Variants in MICU1 observed in about 807,000 individuals in gnomAD.
MICU1 encodes calcium uptake protein 1, mitochondrial.
MICU1 carries 45 observed loss-of-function variants against 56.8 expected under a neutral mutation model. The observed-to-expected ratio is 0.79, with a 90% CI of 0.62 to 1.02. The LOEUF is 1.02. Among genes scored for constraint, MICU1 ranks in the 50% least tolerant of loss-of-function variants. The pLI is 0.00. For missense variants in MICU1, 504 were observed against 587.1 expected (o/e 0.86, Z 1.46); for synonymous variants, 186 against 195.1 (o/e 0.95, Z 0.39).
chr10:72,540,382 AC>A (rs1839743927), intron 4 of MICU1, among the ~76,000 whole-genome samples: 2 of 152,026 alleles, frequency 1.3e-5, no homozygotes, highest in Admixed American at 1.3e-4. Flanking sequence ...AAAAAAAAAA[AC>A]TGGCATGGAG....
In MICU1 at chr10:72,409,951, A is replaced by G. The variant is rs376727822; in HGVS notation, c.1072-1914T>C. ...CCACAACATGTCCCTTCCTAATCAT[A>G]AACTCCAGCCCCTGCCCAACCCCTA... is the stretch of plus-strand genomic sequence containing the variant. On this transcript the variant is annotated intron_variant, in intron 9 of 11. Coordinates refer to ENST00000361114, the MANE Select transcript of MICU1 (RefSeq NM_001195518.2). 1.1e-4 allele frequency among the ~76,000 whole-genome samples: 16 copies of G among 152,182 alleles called. 1 individual carries two copies. The East Asian group carries it at 2.7e-3, about 26-fold the overall frequency.
At chr10:72,472,494 T>A (rs966813377) in intron 8 of MICU1, among the ~76,000 whole-genome samples, 5 of 152,072 alleles carry the variant, frequency 3.3e-5, no homozygotes, top group African/African-American at 1.2e-4. Context: ...AGCTTTTCAC[T>A]AGACAGAGAA....
At chr10:72,388,921 C>A (rs941728626) in intron 10 of MICU1, among the ~76,000 whole-genome samples, 5 of 152,220 alleles carry the variant, frequency 3.3e-5, no homozygotes, top group Non-Finnish European at 7.3e-5. Context: ...AGCTGGATAA[C>A]CACGATCAAG....
chr10:72,573,323 A>C (rs866839078), intron 1 of MICU1, among the ~76,000 whole-genome samples: 4,947 of 147,088 alleles, frequency 0.034, 344 homozygotes, highest in African/African-American at 0.12. Flanking sequence ...AAAAAAAAAA[A>C]AAAAAAAAAA....
At chr10:72,557,745 T>C (rs906543099) in intron 3 of MICU1, among the ~76,000 whole-genome samples, 2 of 152,180 alleles carry the variant, frequency 1.3e-5, no homozygotes, top group East Asian at 1.9e-4. Context: ...CAAATATATA[T>C]ATACATACAT....
At chr10:72,531,888 T>A (rs551750563) in intron 5 of MICU1, among the ~76,000 whole-genome samples, 19 of 151,978 alleles carry the variant, frequency 1.3e-4, no homozygotes, top group African/African-American at 3.4e-4. Flanking sequence ...GTTTTATTTT[T>A]TTTTTTTTTA....
At chr10:72,488,692 A>T (rs1866553452) in intron 6 of MICU1, among the ~76,000 whole-genome samples, 1 of 152,176 alleles carries the variant, frequency 6.6e-6, no homozygotes, top group Non-Finnish European at 1.5e-5. Context: ...AAACTGGGAA[A>T]CTAAAATACT....
intron 10 of MICU1, among the ~76,000 whole-genome samples, chr10:72,406,540 G>A (rs934122297): frequency 3.3e-5 from 5 of 151,610 alleles, no homozygotes; most frequent in Non-Finnish European, 1.5e-5. Flanking sequence ...TGAAAAAGAA[G>A]ACCAAGTTGG....
chr10:72,510,760 G>C (rs548132967), intron 5 of MICU1, among the ~76,000 whole-genome samples: 39 of 152,072 alleles, frequency 2.6e-4, no homozygotes, highest in Admixed American at 4.6e-4. Context: ...AGCCTCCCGA[G>C]TAGCTGAGAT....
rs549004358 is a variant in MICU1 at position 72,443,163 on chromosome 10, GTCT to G, written c.934-19795_934-19793del. ...TCATGTGTTTTTTGGCTGCATAAATGTCTTCTTTTGAGAAGTGTCTGTTCATGT... is the reference window on the plus strand; with the variant it reads ...TCATGTGTTTTTTGGCTGCATAAATGTCTTTTGAGAAGTGTCTGTTCATGT... On this transcript the variant is annotated intron_variant, in intron 8 of 11. Transcript: ENST00000361114. Among the ~76,000 whole-genome samples, 17 of 152,304 alleles carry G rather than the reference GTCT, an allele frequency of 1.1e-4. No individual in the cohort carries two copies. In the East Asian group the frequency reaches 3.3e-3, roughly 29 times the overall value.
At chr10:72,386,548 C>T (rs1278659237) in intron 10 of MICU1, among the ~76,000 whole-genome samples, 1 of 146,448 alleles carries the variant, frequency 6.8e-6, no homozygotes, top group African/African-American at 2.5e-5. Flanking sequence ...CCCTCATCCC[C>T]CGCCACCTAT....
intron 10 of MICU1, among the ~76,000 whole-genome samples, chr10:72,376,170 T>C (rs2132037729): frequency 6.6e-6 from 1 of 151,988 alleles, no homozygotes; most frequent in East Asian, 1.9e-4. Flanking sequence ...TCCCAGCTAC[T>C]TGGGAGGCTG....
intron 8 of MICU1, among the ~76,000 whole-genome samples, chr10:72,456,017 T>C (rs1865447455): frequency 6.6e-6 from 1 of 152,158 alleles, no homozygotes; most frequent in Admixed American, 6.6e-5. Context: ...AGCAACTGTC[T>C]TCTGGGAAGG....
At chr10:72,430,658 T>A (rs1372979575) in intron 8 of MICU1, among the ~76,000 whole-genome samples, 1 of 152,100 alleles carries the variant, frequency 6.6e-6, no homozygotes, top group Admixed American at 6.6e-5. Flanking sequence ...CCTTCCAGGT[T>A]CAAGCAATTC....
intron 9 of MICU1, among the ~76,000 whole-genome samples, chr10:72,422,053 A>C (rs1294040414): frequency 6.6e-6 from 1 of 151,818 alleles, no homozygotes; most frequent in Non-Finnish European, 1.5e-5. Context: ...TACCCCATTC[A>C]TATGTTGAAG....
intron 8 of MICU1, among the ~76,000 whole-genome samples, chr10:72,455,299 G>A (rs1374734557): frequency 1.5e-5 from 2 of 134,082 alleles, no homozygotes; most frequent in Admixed American, 8.8e-5. Flanking sequence ...GCAGTGAGCC[G>A]AGATGGTGCC....
At chr10:72,423,413 A>G (rs753654374) in intron 8 of MICU1, 42 bp from the exon 9 acceptor site, 33 of 1,599,768 alleles carry the variant, frequency 2.1e-5, no homozygotes, top group Non-Finnish European at 2.7e-5. Flanking sequence ...GTCAATGGAA[A>G]GTATTTTGAC....
chr10:72,503,020 A>T (rs1867130402), intron 6 of MICU1: 1 of 154,192 alleles, frequency 6.5e-6, no homozygotes, highest in Admixed American at 6.5e-5. Context: ...ACAGGAGCCC[A>T]GATGCTGGGG....
intron 6 of MICU1, among the ~76,000 whole-genome samples, chr10:72,505,503 C>T (rs981994382): frequency 2.6e-5 from 4 of 152,190 alleles, no homozygotes; most frequent in African/African-American, 9.7e-5. Flanking sequence ...CAAAAAGACA[C>T]ATGCACTTGT....
Sources: gnomAD v4.1 joint callset for allele counts (sites outside exome capture counted in the v4.1 genomes callset) on GRCh38, gnomAD v4.1.1 for gene constraint, MANE v1.5 for transcripts, NCBI Gene and HGNC (gene_info 2026-07-23, HGNC 2026-07-21) for gene names.